CCDC172: variants seen among roughly 807,000 people sequenced by gnomAD.
The protein encoded by CCDC172 is coiled-coil domain containing 172, also known as coiled-coil domain-containing protein 172.
CCDC172 carries 30 observed loss-of-function variants against 38.0 expected under a neutral mutation model. The ratio of observed to expected loss-of-function variants is 0.79; its 90% CI spans 0.59 to 1.07. CCDC172 has a LOEUF of 1.07. CCDC172 is among the 50% of genes least tolerant of loss of function. CCDC172 has a pLI of 0.00. For synonymous variants in CCDC172, 78 were observed against 88.3 expected (o/e 0.88, Z 0.66); for missense variants, 297 against 290.1 (o/e 1.02, Z -0.17).
At chr10:116,351,984 T>A (rs1844935825) in intron 5 of CCDC172, among the ~76,000 whole-genome samples, 1 of 152,132 alleles carries the variant, frequency 6.6e-6, no homozygotes, top group African/African-American at 2.4e-5. Context: ...AGTCTTTGGA[T>A]GTACTTGAAC....
At chr10:116,326,081 C>T (rs1338460356) in intron 3 of CCDC172, among the ~76,000 whole-genome samples, 1 of 152,074 alleles carries the variant, frequency 6.6e-6, no homozygotes, top group Non-Finnish European at 1.5e-5. Context: ...AGCAGAAAAC[C>T]GTTGCAAGTT....
intron 7 of CCDC172, among the ~76,000 whole-genome samples, chr10:116,363,234 G>A (rs1845085167): frequency 6.6e-6 from 1 of 152,096 alleles, no homozygotes; most frequent in African/African-American, 2.4e-5. Flanking sequence ...ACCAGGATTT[G>A]GAGGAAGGGA....
At chr10:116,376,030 A>AC (rs1845240166) in intron 7 of CCDC172, among the ~76,000 whole-genome samples, 1 of 152,226 alleles carries the variant, frequency 6.6e-6, no homozygotes, top group Admixed American at 6.5e-5. Flanking sequence ...CTGGGTATAT[A>AC]CCCAAAGGAT....
chr10:116,338,460 CAA>C (rs1274181088), intron 3 of CCDC172, among the ~76,000 whole-genome samples: 3 of 151,796 alleles, frequency 2.0e-5, no homozygotes, highest in Admixed American at 6.6e-5. Context: ...AAAATAAAAA[CAA>C]AGAAGCAGAG....
chr10:116,374,152 C>A (rs1020368350), intron 7 of CCDC172, among the ~76,000 whole-genome samples: 1 of 152,050 alleles, frequency 6.6e-6, no homozygotes, highest in African/African-American at 2.4e-5. Flanking sequence ...GTTATCATAT[C>A]GACTGTTATG....
At chr10:116,344,152 C>G (rs929008331) in intron 5 of CCDC172, among the ~76,000 whole-genome samples, 3 of 151,808 alleles carry the variant, frequency 2.0e-5, no homozygotes, top group Non-Finnish European at 4.4e-5. Context: ...AACAAAAACA[C>G]AGAACAGACA....
chr10:116,333,430 A>T (rs576919120), intron 3 of CCDC172, among the ~76,000 whole-genome samples: 2 of 152,202 alleles, frequency 1.3e-5, no homozygotes, highest in African/African-American at 4.8e-5. Flanking sequence ...ACATGTGCCA[A>T]GTTTTCTTAT....
intron 5 of CCDC172, among the ~76,000 whole-genome samples, chr10:116,354,407 A>C (rs1219258211): frequency 6.6e-6 from 1 of 152,152 alleles, no homozygotes; most frequent in African/African-American, 2.4e-5. Flanking sequence ...GAATTATTCT[A>C]GAAGGCATTG....
At chr10:116,354,830 T>C (rs1844974345) in intron 5 of CCDC172, among the ~76,000 whole-genome samples, 1 of 152,206 alleles carries the variant, frequency 6.6e-6, no homozygotes, top group Admixed American at 6.5e-5. Flanking sequence ...GGACAAGATG[T>C]TATGGAGGTC....
chr10:116,347,540 C>T (rs886998686), intron 5 of CCDC172, among the ~76,000 whole-genome samples: 7 of 150,784 alleles, frequency 4.6e-5, no homozygotes, highest in African/African-American at 1.7e-4. Flanking sequence ...TTTAAAAAGG[C>T]GATGTAGAGG....
At chr10:116,372,673 A>C (rs1451345167) in intron 7 of CCDC172, among the ~76,000 whole-genome samples, 1 of 152,190 alleles carries the variant, frequency 6.6e-6, no homozygotes, top group Admixed American at 6.5e-5. Flanking sequence ...CAGATACAAG[A>C]AGCTCAGAGA....
chr10:116,357,746 C>A (rs1372145109), intron 6 of CCDC172, 90 bp from the exon 7 acceptor site: 18 of 740,402 alleles, frequency 2.4e-5, no homozygotes, highest in Admixed American at 3.5e-5. Flanking sequence ...ATGCAAGCAC[C>A]AAAAATTAGA....
chr10:116,365,280 G>T (rs759536474), intron 7 of CCDC172, among the ~76,000 whole-genome samples: 6 of 152,088 alleles, frequency 3.9e-5, no homozygotes, highest in Non-Finnish European at 8.8e-5. Context: ...CCTATAATTT[G>T]CTCTGCATGC....
intron 5 of CCDC172, among the ~76,000 whole-genome samples, chr10:116,357,105 A>AT (rs1273111299): frequency 1.3e-5 from 2 of 152,012 alleles, no homozygotes; most frequent in Non-Finnish European, 2.9e-5. Context: ...TTCTTTTTAG[A>AT]TTTTTTAGGA....
intron 7 of CCDC172, 78 bp from the exon 8 acceptor site, chr10:116,378,345 C>T (rs1263552126): frequency 1.7e-5 from 23 of 1,372,580 alleles, no homozygotes; most frequent in Non-Finnish European, 2.2e-5. Context: ...ATAGAAGCTA[C>T]AAACTTGTCC....
At chr10:116,363,944 A>T (rs5025762) in intron 7 of CCDC172, among the ~76,000 whole-genome samples, 11,556 of 150,790 alleles carry the variant, frequency 0.077, 630 homozygotes, top group East Asian at 0.23. Flanking sequence ...AAAAAAAAAA[A>T]AAAAATAATA....
At chr10:116,325,419 C>T (rs202217416) in intron 3 of CCDC172, 31 bp downstream of exon 3, 2 of 1,551,878 alleles carry the variant, frequency 1.3e-6, no homozygotes, top group African/African-American at 2.7e-5. Flanking sequence ...CTAATTATCA[C>T]TTGAAAAAGC....
At chr10:116,325,135 T>C in intron 2 of CCDC172, 45 bp downstream of exon 2, 1 of 1,590,820 alleles carries the variant, frequency 6.3e-7, no homozygotes, top group Non-Finnish European at 8.6e-7. Flanking sequence ...TGTCTTCTGA[T>C]GCTGGGTGCT....
At chr10:116,378,313 G>T in intron 7 of CCDC172, 110 bp from the exon 8 acceptor site, 1 of 1,079,494 alleles carries the variant, frequency 9.3e-7, no homozygotes, top group East Asian at 3.0e-5. Context: ...CAATTATTTA[G>T]TCTTAACTTG....
Sources: allele counts gnomAD v4.1 joint callset (sites outside exome capture counted in the v4.1 genomes callset), GRCh38; gene constraint gnomAD v4.1.1; transcripts MANE v1.5; gene names NCBI Gene and HGNC (gene_info 2026-07-23, HGNC 2026-07-21).